The following SPON1 variants were observed in gnomAD, a reference collection of about 807,000 sequenced individuals.
SPON1 encodes the protein spondin 1, also known as spondin-1.
In SPON1, 52 loss-of-function variants were observed where a neutral mutation model predicts 111.7. The observed-to-expected ratio is 0.47, with a 90% confidence interval of 0.37 to 0.59. The LOEUF (loss-of-function observed/expected upper bound fraction) is 0.59. SPON1 is among the 20% of genes least tolerant of loss of function. The pLI is 0.00. For missense variants in SPON1, 957 were observed against 1,068.5 expected (o/e 0.90, Z 1.46); for synonymous variants, 410 against 395.8 (o/e 1.04, Z -0.43).
chr11:14,083,185 G>A (rs1472977798), intron 5 of SPON1, among the ~76,000 whole-genome samples: 3 of 152,156 alleles, frequency 2.0e-5, no homozygotes, highest in African/African-American at 7.2e-5. Flanking sequence ...AATGTGAAAA[G>A]AGGATCAATG....
At chr11:14,186,227 C>T (rs1233997744) in intron 6 of SPON1, among the ~76,000 whole-genome samples, 1 of 152,216 alleles carries the variant, frequency 6.6e-6, no homozygotes, top group Non-Finnish European at 1.5e-5. Flanking sequence ...ATGCATCCAA[C>T]ACAGTGTGTG....
At position 14,257,841 on chromosome 11, in the gene SPON1, C is replaced by T; in HGVS notation, c.1435C>T (p.Pro479Ser). ...GAAAGCACAGCTGGACCTCAGCGTC[C>T]CCTGCCCTGACACCCAGGACTTCCA... ...MLKAQLDLSV[P>S]CPDTQDFQPC... Residue 479 changes from proline to serine, a missense_variant, in exon 11 of 16, where the codon CCC becomes TCC. Transcript: ENST00000576479. The T allele has an allele frequency of 6.3e-7, 1 of 1,592,656 alleles. No individual in the cohort carries two copies. Among genetic ancestry groups the T allele is most frequent in the Non-Finnish European group, 8.5e-7 (1 of 1,170,038 alleles).
intron 6 of SPON1, among the ~76,000 whole-genome samples, chr11:14,234,702 T>C (rs187976151): frequency 6.6e-6 from 1 of 152,330 alleles, no homozygotes; most frequent in Non-Finnish European, 1.5e-5. Context: ...GGTCCCTTCC[T>C]CTCTGGCTTC....
chr11:14,004,104 G>A (rs996364481), intron 2 of SPON1, among the ~76,000 whole-genome samples: 1 of 151,956 alleles, frequency 6.6e-6, no homozygotes, highest in East Asian at 1.9e-4. Context: ...TGTGGAGAAT[G>A]GCAAGATCTC....
At position 14,103,015 on chromosome 11, in the gene SPON1, G is replaced by A. The variant is rs148518032; in HGVS notation, c.676+22994G>A. 4.7e-3 allele frequency among the ~76,000 whole-genome samples: 717 copies of A among 152,218 alleles called. 5 individuals are homozygous for A. Among genetic ancestry groups the A allele is most frequent in the African/African-American group, 0.017 (687 of 41,546 alleles). ...GCTTGGGATTTAGTTACTGTGGCAG[G>A]TGGTCTTCTGTTTCTGTGGTGATAT... On this transcript the variant is annotated intron_variant, in intron 5 of 15. Transcript: ENST00000576479.
At chr11:13,965,839 C>T (rs1554907985) in intron 1 of SPON1, among the ~76,000 whole-genome samples, 1 of 152,224 alleles carries the variant, frequency 6.6e-6, no homozygotes, top group African/African-American at 2.4e-5. Context: ...ATTGTCCTGA[C>T]TTAAGGCTGT....
At chr11:14,238,234 C>T (rs1252320695) in intron 6 of SPON1, among the ~76,000 whole-genome samples, 1 of 152,146 alleles carries the variant, frequency 6.6e-6, no homozygotes, top group Non-Finnish European at 1.5e-5. Context: ...TCCCATTTCT[C>T]TTCCTGTGGG....
chr11:14,200,277 G>A (rs771714603), intron 6 of SPON1, among the ~76,000 whole-genome samples: 2 of 152,148 alleles, frequency 1.3e-5, no homozygotes, highest in African/African-American at 4.8e-5. Context: ...GTTATCAATT[G>A]TTAAGATCTC....
intron 5 of SPON1, among the ~76,000 whole-genome samples, chr11:14,081,708 G>A (rs950264768): frequency 2.0e-5 from 3 of 152,170 alleles, no homozygotes; most frequent in African/African-American, 7.2e-5. Flanking sequence ...GAATGGGAGA[G>A]AGAGATTAAA....
intron 6 of SPON1, among the ~76,000 whole-genome samples, chr11:14,160,796 ATATT>A (rs1373753188): frequency 2.7e-5 from 1 of 37,094 alleles, no homozygotes; most frequent in African/African-American, 9.6e-5. Flanking sequence ...ATATATTTAT[ATATT>A]TTTATATATA....
chr11:14,160,619 ATATATATATT>A (rs1847915161), intron 6 of SPON1, among the ~76,000 whole-genome samples: 2 of 24,484 alleles, frequency 8.2e-5, no homozygotes, highest in African/African-American at 1.3e-4. Flanking sequence ...ATATATATTT[ATATATATATT>A]TATATATATT....
intron 3 of SPON1, among the ~76,000 whole-genome samples, chr11:14,058,689 T>A (rs1339616549): frequency 6.6e-6 from 1 of 152,238 alleles, no homozygotes; most frequent in East Asian, 1.9e-4. Flanking sequence ...TATCGCTTCC[T>A]TTGCCAAAAC....
intron 5 of SPON1, among the ~76,000 whole-genome samples, chr11:14,087,214 C>T (rs189069565): frequency 0.01 from 1,541 of 152,136 alleles, 27 homozygotes; most frequent in African/African-American, 0.036. Flanking sequence ...TCTTGCTTCT[C>T]TAGTTCTTTT....
At position 14,258,354 on chromosome 11, in the gene SPON1, T is replaced by C. The variant is rs542749539; in HGVS notation, c.1492+456T>C. 8.9e-4 allele frequency among the ~76,000 whole-genome samples: 135 copies of C among 152,222 alleles called. 1 individual carries two copies. The highest frequency in any genetic ancestry group is 1.5e-3 in the Non-Finnish European group (102 of 68,042). Reference sequence around the variant, plus strand: ...CTTTGTGTCAGGACCTTTGGGCTGATTGCAGAAATTCTCAGTCTATTTGCA... The same window carrying C: ...CTTTGTGTCAGGACCTTTGGGCTGACTGCAGAAATTCTCAGTCTATTTGCA... On this transcript the variant is annotated intron_variant, in intron 11 of 15. Coordinates refer to ENST00000576479, the MANE Select transcript of SPON1 (RefSeq NM_006108.4).
chr11:14,247,009 C>T (rs1044057371), intron 7 of SPON1, among the ~76,000 whole-genome samples: 11 of 152,166 alleles, frequency 7.2e-5, no homozygotes, highest in African/African-American at 2.4e-4. Context: ...ATGTCTAAGG[C>T]ACTAAAAGGC....
intron 5 of SPON1, among the ~76,000 whole-genome samples, chr11:14,080,288 G>A (rs1197486557): frequency 7.9e-5 from 12 of 151,902 alleles, no homozygotes; most frequent in African/African-American, 2.9e-4. Context: ...GAGTGCAGTG[G>A]CACAATCTCG....
chr11:13,963,743 C>G (rs1306767536), intron 1 of SPON1, among the ~76,000 whole-genome samples: 2 of 152,198 alleles, frequency 1.3e-5, no homozygotes, highest in Non-Finnish European at 2.9e-5. Flanking sequence ...CGAAAGGGTC[C>G]TTGGAAAGAA....
chr11:14,083,736 T>C (rs782415490), intron 5 of SPON1, among the ~76,000 whole-genome samples: 3 of 152,242 alleles, frequency 2.0e-5, no homozygotes, highest in African/African-American at 2.4e-5. Flanking sequence ...AAGTTCATAA[T>C]AATGAACACA....
chr11:14,196,349 A>AT lies in SPON1; in HGVS notation c.826-46982dup, dbSNP rs558043447. 1.2e-4 allele frequency among the ~76,000 whole-genome samples: 18 copies of AT among 152,318 alleles called. No individual in the cohort carries two copies. In the East Asian group the frequency reaches 3.5e-3, roughly 29 times the overall value. ...AGATGGGGAGTGACAACTAACGAGT[A>AT]TGGATGGGTGTTTTGGTGGGGCCAT... On this transcript the variant is annotated intron_variant, in intron 6 of 15. Transcript: ENST00000576479.
Sources: allele counts gnomAD v4.1 joint callset (sites outside exome capture counted in the v4.1 genomes callset), GRCh38; gene constraint gnomAD v4.1.1; transcripts MANE v1.5; gene names NCBI Gene and HGNC (gene_info 2026-07-23, HGNC 2026-07-21).